HDAC9: variants seen among roughly 807,000 people sequenced by gnomAD.
HDAC9 encodes the protein histone deacetylase 9.
A neutral mutation model predicts 139.4 loss-of-function variants in HDAC9; 41 were observed. The ratio of observed to expected loss-of-function variants is 0.29; its 90% CI spans 0.23 to 0.38. HDAC9 has a LOEUF of 0.38. HDAC9 is among the 10% of genes least tolerant of loss of function. The probability of loss-of-function intolerance (pLI) is 1.00; values close to 1 mark genes in which losing one functional copy is unlikely to be tolerated. For missense variants in HDAC9, 1,147 were observed against 1,297.0 expected, an observed-to-expected ratio of 0.88 and a Z score of 1.78; for synonymous variants, 517 against 476.2, an observed-to-expected ratio of 1.09 and a Z score of -1.12.
intron 2 of HDAC9, among the ~76,000 whole-genome samples, chr7:18,510,177 G>T (rs1378073704): frequency 6.6e-6 from 1 of 152,116 alleles, no homozygotes; most frequent in Non-Finnish European, 1.5e-5. Context: ...GACCTCCAAT[G>T]CTTTAACAAT....
intron 7 of HDAC9, among the ~76,000 whole-genome samples, chr7:18,631,724 A>G (rs976003994): frequency 6.6e-6 from 1 of 151,784 alleles, no homozygotes; most frequent in African/African-American, 2.4e-5. Context: ...TTCAAATGTT[A>G]AAATTGACTC....
At chr7:18,791,681 G>A (rs1193625572) in intron 16 of HDAC9, among the ~76,000 whole-genome samples, 1 of 152,182 alleles carries the variant, frequency 6.6e-6, no homozygotes, top group Non-Finnish European at 1.5e-5. Flanking sequence ...GGAAAGGCAT[G>A]TGCTGACAGG....
At chr7:18,681,575 A>T (rs1781892144) in intron 12 of HDAC9, among the ~76,000 whole-genome samples, 1 of 152,076 alleles carries the variant, frequency 6.6e-6, no homozygotes, top group South Asian at 2.1e-4. Flanking sequence ...TTTCCAGCAG[A>T]ATTAACAGCA....
chr7:18,879,728 A>G (rs369838427), intron 22 of HDAC9, among the ~76,000 whole-genome samples: 2 of 152,306 alleles, frequency 1.3e-5, no homozygotes, highest in South Asian at 2.1e-4. Context: ...ATCCTAGGCA[A>G]TACCGTCCTG....
At chr7:18,451,407 A>ATG (rs1217649292) in intron 1 of HDAC9, among the ~76,000 whole-genome samples, 2,545 of 116,518 alleles carry the variant, frequency 0.022, 41 homozygotes, top group African/African-American at 0.057. Context: ...GTGTGTATAT[A>ATG]TGTGTGTGTG....
intron 1 of HDAC9, among the ~76,000 whole-genome samples, chr7:18,440,313 T>G (rs1791639136): frequency 6.6e-6 from 1 of 151,634 alleles, no homozygotes; most frequent in African/African-American, 2.4e-5. Flanking sequence ...GCCTCCCGAG[T>G]ACCTGGGATT....
chr7:18,164,645 C>A (rs1437258587), intron 2 of HDAC9, among the ~76,000 whole-genome samples: 1 of 152,182 alleles, frequency 6.6e-6, no homozygotes. Flanking sequence ...ACATTAACAT[C>A]ATTCTTAGAA....
intron 1 of HDAC9, among the ~76,000 whole-genome samples, chr7:18,292,254 A>G (rs1007924359): frequency 5.3e-5 from 8 of 152,136 alleles, no homozygotes; most frequent in Admixed American, 3.9e-4. Flanking sequence ...AAGGAAACTA[A>G]GGTGCAGAGA....
intron 7 of HDAC9, among the ~76,000 whole-genome samples, chr7:18,631,031 A>C (rs55681443): frequency 0.017 from 2,635 of 152,004 alleles, 75 homozygotes; most frequent in African/African-American, 0.06. Context: ...ATTTATCCCA[A>C]TGTGCTTTTC....
At chr7:18,405,170 AAAT>A (rs1787896063) in intron 1 of HDAC9, among the ~76,000 whole-genome samples, 1 of 152,232 alleles carries the variant, frequency 6.6e-6, no homozygotes, top group Non-Finnish European at 1.5e-5. Context: ...AGTTATAACA[AAAT>A]AACATTATTT....
intron 2 of HDAC9, among the ~76,000 whole-genome samples, chr7:18,209,825 A>C (rs1309026454): frequency 6.6e-6 from 1 of 151,650 alleles, no homozygotes; most frequent in Non-Finnish European, 1.5e-5. Context: ...CTCAGCCTTC[A>C]GAGTAGCTGG....
intron 2 of HDAC9, among the ~76,000 whole-genome samples, chr7:18,202,234 T>C (rs766822750): frequency 1.4e-4 from 22 of 152,238 alleles, no homozygotes; most frequent in Non-Finnish European, 2.1e-4. Flanking sequence ...AGTTGATTCA[T>C]GTAGGTAGGT....
At chr7:18,306,589 C>A (rs1426937651) in intron 1 of HDAC9, among the ~76,000 whole-genome samples, 2 of 152,138 alleles carry the variant, frequency 1.3e-5, no homozygotes, top group Non-Finnish European at 2.9e-5. Flanking sequence ...TCTACACATA[C>A]TTTTGGTCTC....
chr7:18,677,414 G>A (rs1200769039), intron 12 of HDAC9, among the ~76,000 whole-genome samples: 3 of 151,808 alleles, frequency 2.0e-5, no homozygotes, highest in African/African-American at 4.8e-5. Context: ...TTATTTTCAG[G>A]TGTGAGTAAT....
intron 1 of HDAC9, among the ~76,000 whole-genome samples, chr7:18,402,746 G>C (rs895446919): frequency 9.2e-5 from 14 of 152,308 alleles, no homozygotes; most frequent in African/African-American, 3.4e-4. Flanking sequence ...GATGAATTTT[G>C]TATGTAAAAC....
intron 7 of HDAC9, among the ~76,000 whole-genome samples, chr7:18,631,882 T>C (rs1320302523): frequency 2.0e-5 from 3 of 151,972 alleles, no homozygotes; most frequent in African/African-American, 7.2e-5. Context: ...CCAGATCCCA[T>C]CCAGTGTCAT....
chr7:18,619,597 T>C (rs1231219615), intron 6 of HDAC9, among the ~76,000 whole-genome samples: 1 of 152,154 alleles, frequency 6.6e-6, no homozygotes, highest in South Asian at 2.1e-4. Flanking sequence ...GATCTGTGTC[T>C]ATGGGGGCTT....
At chr7:18,309,902 G>T (rs766322906) in intron 1 of HDAC9, among the ~76,000 whole-genome samples, 1 of 152,086 alleles carries the variant, frequency 6.6e-6, no homozygotes, top group Non-Finnish European at 1.5e-5. Flanking sequence ...TGAAATCCAG[G>T]TGGTCCTTGT....
intron 2 of HDAC9, among the ~76,000 whole-genome samples, chr7:18,280,776 A>T (rs1279307403): frequency 1.4e-5 from 2 of 146,064 alleles, no homozygotes; most frequent in East Asian, 4.0e-4. Context: ...AAAAATAAAT[A>T]AATAAATAAA....
Sources: allele counts gnomAD v4.1 joint callset (sites outside exome capture counted in the v4.1 genomes callset), GRCh38; gene constraint gnomAD v4.1.1; transcripts MANE v1.5; gene names NCBI Gene and HGNC (gene_info 2026-07-23, HGNC 2026-07-21).